FGF14: variants seen among roughly 807,000 people sequenced by gnomAD.
FGF14 encodes fibroblast growth factor homologous factor 4.
In FGF14, 5 loss-of-function variants were observed where a neutral mutation model predicts 25.5. The observed-to-expected ratio is 0.20, with a 90% CI of 0.10 to 0.41. FGF14 has a LOEUF of 0.41. Ranked by LOEUF, FGF14 falls within the 10% of genes least tolerant of loss-of-function variation. The pLI is 1.00. For missense variants in FGF14, 222 were observed against 320.1 expected (o/e 0.69, Z 2.34); for synonymous variants, 138 against 118.3 (o/e 1.17, Z -1.08).
chr13:102,059,035 A>G (rs2042562025), intron 1 of FGF14, among the ~76,000 whole-genome samples: 1 of 152,142 alleles, frequency 6.6e-6, no homozygotes, highest in Admixed American at 6.5e-5. Flanking sequence ...CCAGTGAAAT[A>G]ACAAGTTTTC....
intron 1 of FGF14, among the ~76,000 whole-genome samples, chr13:102,114,533 C>T (rs569968235): frequency 1.7e-4 from 26 of 152,192 alleles, no homozygotes; most frequent in African/African-American, 3.6e-4. Flanking sequence ...CAACATTATT[C>T]ACAGTAGCCA....
intron 1 of FGF14, among the ~76,000 whole-genome samples, chr13:102,211,107 A>C (rs927548583): frequency 1.3e-5 from 2 of 152,064 alleles, no homozygotes; most frequent in Admixed American, 1.3e-4. Context: ...CATCTTAGTA[A>C]AAAAGAAAAT....
In FGF14 at chr13:101,718,847, A is replaced by AC. The variant is rs978393134; in HGVS notation, c.*3983dup. ...CAGACTCAACTGTCAACACTTTGAA[A>AC]CCCTACTCCATATTCAAGAGAGTCA... On this transcript the variant is annotated 3_prime_UTR_variant, in exon 5 of 5. Transcript: ENST00000376143. The AC allele has an allele frequency of 3.3e-5, 5 of 151,966 alleles. No individual in the cohort carries two copies. The highest frequency in any genetic ancestry group is 2.6e-4 in the Admixed American group (4 of 15,230). The allele number at this position is 151,966 out of a possible 1,614,324, so 9.4% of individuals were successfully genotyped here. A position where few individuals can be genotyped will look rare whatever the true frequency, so the allele number is the denominator to read the frequency against.
At chr13:101,765,812 C>T (rs2038355430) in intron 3 of FGF14, among the ~76,000 whole-genome samples, 1 of 152,078 alleles carries the variant, frequency 6.6e-6, no homozygotes, top group African/African-American at 2.4e-5. Flanking sequence ...TCACTGCAAC[C>T]TCTGCTACCT....
intron 1 of FGF14, among the ~76,000 whole-genome samples, chr13:102,257,342 CTTTTTTTTTTTTTTT>C (rs71125058): frequency 6.1e-5 from 2 of 32,554 alleles, no homozygotes; most frequent in African/African-American, 2.6e-4. Context: ...CCTTTCTTTT[CTTTTTTTTTTTTTTT>C]TTTTTTTTTT....
At chr13:101,937,868 G>A (rs2035206582) in intron 1 of FGF14, among the ~76,000 whole-genome samples, 1 of 152,160 alleles carries the variant, frequency 6.6e-6, no homozygotes, top group African/African-American at 2.4e-5. Context: ...AAAGTGCTGG[G>A]ATTACAGGCA....
chr13:102,277,867 T>C (rs2053623900), intron 1 of FGF14, among the ~76,000 whole-genome samples: 1 of 152,240 alleles, frequency 6.6e-6, no homozygotes, highest in South Asian at 2.1e-4. Context: ...ATTTGTTTAT[T>C]TACATCCTTA....
intron 1 of FGF14, among the ~76,000 whole-genome samples, chr13:102,277,547 G>A (rs916284839): frequency 6.6e-6 from 1 of 152,202 alleles, no homozygotes; most frequent in African/African-American, 2.4e-5. Flanking sequence ...GGGACCTGGA[G>A]GAGCTCCAGG....
intron 1 of FGF14, among the ~76,000 whole-genome samples, chr13:102,079,352 T>G (rs1408696975): frequency 2.6e-5 from 4 of 152,214 alleles, no homozygotes; most frequent in Non-Finnish European, 4.4e-5. Flanking sequence ...AAAGAGAGTT[T>G]GCACATTTTC....
intron 1 of FGF14, among the ~76,000 whole-genome samples, chr13:102,145,161 A>T (rs1024472300): frequency 2.6e-5 from 4 of 152,190 alleles, no homozygotes; most frequent in Non-Finnish European, 2.9e-5. Context: ...TGAATCCTCC[A>T]TTTGGAGGAG....
chr13:102,165,902 T>C (rs529454090), intron 1 of FGF14, among the ~76,000 whole-genome samples: 1 of 151,930 alleles, frequency 6.6e-6, no homozygotes, highest in South Asian at 2.1e-4. Flanking sequence ...CTTATAAGTA[T>C]GGTTTTCTTT....
At chr13:102,303,681 C>T (rs2055203105) in intron 1 of FGF14, among the ~76,000 whole-genome samples, 1 of 152,140 alleles carries the variant, frequency 6.6e-6, no homozygotes, top group Admixed American at 6.5e-5. Context: ...ATGTGGTGGA[C>T]TTGAGACAGA....
chr13:102,324,650 G>C (rs1182392993), intron 1 of FGF14, among the ~76,000 whole-genome samples: 1 of 152,102 alleles, frequency 6.6e-6, no homozygotes, highest in East Asian at 1.9e-4. Flanking sequence ...TTATCACCGG[G>C]TGTCAGGTGA....
intron 1 of FGF14, among the ~76,000 whole-genome samples, chr13:102,220,894 T>C (rs1260690196): frequency 6.6e-6 from 1 of 152,194 alleles, no homozygotes; most frequent in Non-Finnish European, 1.5e-5. Context: ...GGTATAATCT[T>C]GGACAAATCA....
chr13:102,374,802 A>C (rs1402284191), intron 1 of FGF14, among the ~76,000 whole-genome samples: 1 of 150,570 alleles, frequency 6.6e-6, no homozygotes, highest in Non-Finnish European at 1.5e-5. Flanking sequence ...TTTTCAATTA[A>C]GGGCTAAAGT....
chr13:101,986,452 G>A (rs1017378017), intron 1 of FGF14, among the ~76,000 whole-genome samples: 8 of 152,026 alleles, frequency 5.3e-5, no homozygotes, highest in African/African-American at 7.2e-5. Flanking sequence ...TCAAGTCAGC[G>A]TATCCAAGCT....
intron 1 of FGF14, among the ~76,000 whole-genome samples, chr13:102,292,085 G>C (rs927703657): frequency 6.6e-6 from 1 of 151,928 alleles, no homozygotes; most frequent in Non-Finnish European, 1.5e-5. Context: ...TTGCAGAATG[G>C]CTGGCTGGCC....
At chr13:101,758,801 C>A (rs1003056618) in intron 3 of FGF14, among the ~76,000 whole-genome samples, 2 of 152,042 alleles carry the variant, frequency 1.3e-5, no homozygotes, top group Non-Finnish European at 2.9e-5. Flanking sequence ...TGTATCTGGG[C>A]CCCATGAATT....
chr13:102,120,077 C>T, intron 1 of FGF14, among the ~76,000 whole-genome samples: 1 of 152,116 alleles, frequency 6.6e-6, no homozygotes, highest in East Asian at 1.9e-4. Context: ...TCGTTGAGCC[C>T]CTTGAGTCAA....
Sources: gnomAD v4.1 joint callset for allele counts (sites outside exome capture counted in the v4.1 genomes callset) on GRCh38, gnomAD v4.1.1 for gene constraint, MANE v1.5 for transcripts, NCBI Gene and HGNC (gene_info 2026-07-23, HGNC 2026-07-21) for gene names.